Variants in RANBP17 observed in about 807,000 individuals in gnomAD.
The protein encoded by RANBP17 is RAN binding protein 17, also known as ran-binding protein 17.
Under a neutral mutation model 141.2 loss-of-function variants are expected in RANBP17, and 158 were observed. The observed-to-expected ratio is 1.12, with a 90% CI of 0.98 to 1.28. RANBP17 has a LOEUF of 1.28. Ranked by LOEUF, RANBP17 falls within the 50% of genes most tolerant of loss-of-function variation. RANBP17 has a pLI of 0.00. For missense variants in RANBP17, 1,438 were observed against 1,290.7 expected (o/e 1.11, Z -1.75); for synonymous variants, 430 against 450.0 (o/e 0.96, Z 0.56).
chr5:170,899,697 A>T (rs547341395), intron 5 of RANBP17, among the ~76,000 whole-genome samples: 1 of 152,180 alleles, frequency 6.6e-6, no homozygotes, highest in Non-Finnish European at 1.5e-5. Context: ...TGTTCCATCA[A>T]TACCTAGTAT....
At chr5:170,954,367 G>A (rs769172128) in intron 13 of RANBP17, among the ~76,000 whole-genome samples, 8 of 152,074 alleles carry the variant, frequency 5.3e-5, no homozygotes, top group Non-Finnish European at 1.0e-4. Context: ...TATGTTTACT[G>A]CATGTGTGTT....
chr5:171,089,465 C>T (rs1008653526), intron 14 of RANBP17, among the ~76,000 whole-genome samples: 5 of 152,032 alleles, frequency 3.3e-5, no homozygotes, highest in Non-Finnish European at 5.9e-5. Context: ...GGCAGGCCTC[C>T]TTGAGCTGTG....
chr5:171,253,051 C>T (rs895871399), intron 24 of RANBP17: 2 of 945,520 alleles, frequency 2.1e-6, no homozygotes, highest in Admixed American at 1.9e-5. Flanking sequence ...TGGAAAGGAT[C>T]AAGCACTGAT....
chr5:170,910,671 G>T lies in RANBP17; in HGVS notation c.595-298G>T, dbSNP rs58290481. ...ATATCTAAAAGGTATAATTGTTTTT[G>T]GTTTGTGTGAGAATGGGCATTATCT... On this transcript the variant is annotated intron_variant, in intron 6 of 27. Transcript: ENST00000523189. The T allele has an allele frequency of 9.9e-3, 2,598 of 263,586 alleles. 66 individuals are homozygous for T. The highest frequency in any genetic ancestry group is 0.055 in the African/African-American group (2,456 of 44,460). The allele number at this position is 263,586 out of a possible 1,614,324, so 16.3% of individuals were successfully genotyped here.
At chr5:171,018,029 G>GTT (rs370930800) in intron 14 of RANBP17, among the ~76,000 whole-genome samples, 26 of 151,712 alleles carry the variant, frequency 1.7e-4, no homozygotes, top group African/African-American at 6.3e-4. Context: ...CCCATTGCTT[G>GTT]TTTTTTTTCA....
Position 170,918,750 on chromosome 5 carries a change from G to C in RANBP17, c.992G>C (p.Arg331Pro). 1 of 1,606,252 alleles carries C rather than the reference G, an allele frequency of 6.2e-7. No individual in the cohort carries two copies. The highest frequency in any genetic ancestry group is 8.5e-7 in the Non-Finnish European group (1 of 1,176,166). ...SDPGNYHEFC[R>P]FLARLKTNYQ... Reference sequence around the variant, plus strand: ...CCAGGTAATTATCATGAATTTTGTCGATTTTTGGCTCGTTTAAAGACAAAT... The same window carrying C: ...CCAGGTAATTATCATGAATTTTGTCCATTTTTGGCTCGTTTAAAGACAAAT... The change falls in exon 10 of 28, where the codon CGA becomes CCA. Residue 331 changes from arginine to proline, a missense_variant. Arg to Pro is a moderately radical substitution (Grantham distance 103). Transcript: ENST00000523189.
chr5:170,920,446 T>C (rs1772346815), intron 11 of RANBP17, among the ~76,000 whole-genome samples: 1 of 152,176 alleles, frequency 6.6e-6, no homozygotes. Flanking sequence ...TTACCATCTG[T>C]ATGTATTCAT....
chr5:170,992,195 C>A (rs1264510577), intron 14 of RANBP17, among the ~76,000 whole-genome samples: 1 of 152,012 alleles, frequency 6.6e-6, no homozygotes, highest in African/African-American at 2.4e-5. Context: ...TCCATCCATT[C>A]CTCCTCTTTT....
intron 7 of RANBP17, among the ~76,000 whole-genome samples, chr5:170,913,350 GA>G (rs956604753): frequency 2.0e-5 from 3 of 151,954 alleles, no homozygotes; most frequent in Non-Finnish European, 4.4e-5. Context: ...AGGGGTGGGT[GA>G]ATGCAAATGA....
chr5:171,060,620 T>C (rs1262612126), intron 14 of RANBP17, among the ~76,000 whole-genome samples: 6 of 152,156 alleles, frequency 3.9e-5, no homozygotes, highest in African/African-American at 9.7e-5. Flanking sequence ...TGGTCTAAAA[T>C]TCTCTTTTTT....
intron 25 of RANBP17, among the ~76,000 whole-genome samples, chr5:171,289,309 G>C (rs1311756750): frequency 6.6e-6 from 1 of 152,084 alleles, no homozygotes; most frequent in African/African-American, 2.4e-5. Flanking sequence ...CTTTGATAAG[G>C]TCCAGCCATC....
At chr5:171,166,671 C>T (rs1277504486) in intron 14 of RANBP17, among the ~76,000 whole-genome samples, 1 of 152,116 alleles carries the variant, frequency 6.6e-6, no homozygotes, top group Admixed American at 6.5e-5. Context: ...TTACTTCTCA[C>T]TCCCAAATTA....
chr5:171,207,679 C>T (rs1454414889), intron 20 of RANBP17: 3 of 152,102 alleles, frequency 2.0e-5, no homozygotes, highest in Admixed American at 2.0e-4. Context: ...AATTGAGTTT[C>T]AGTAGCAAAT....
Position 171,265,993 on chromosome 5 carries a change from C to G in RANBP17, c.2943+146C>G, listed in dbSNP as rs575675303. ...ATATATATTGTCTGGGAGTATTTTC[C>G]CTGAACGTGGAGGGAAAACACAGGC... On this transcript the variant is annotated intron_variant, in intron 25 of 27. Coordinates refer to ENST00000523189, the MANE Select transcript of RANBP17 (RefSeq NM_022897.5). The G allele has an allele frequency of 4.5e-5, 29 of 650,052 alleles. No homozygotes were observed. In the South Asian group the frequency reaches 7.8e-4, roughly 17 times the overall value. 40.3% of individuals were successfully genotyped at this position (650,052 alleles called of 1,614,324 possible).
At position 171,296,135 on chromosome 5, in the gene RANBP17, TC is replaced by T. The variant is rs542317345; in HGVS notation, c.3170+123del. The T allele has an allele frequency of 4.2e-4, 408 of 979,732 alleles. 3 individuals carry two copies. The African/African-American group carries it at 5.6e-3, about 13-fold the overall frequency. The allele number at this position is 979,732 out of a possible 1,614,324, so 60.7% of individuals were successfully genotyped here. ...GTCCCTTTTCTGTTACACCTTGTGATCCTAGACTCAGTTCCATTCCATTCAG... is the reference window on the plus strand; with the variant it reads ...GTCCCTTTTCTGTTACACCTTGTGATCTAGACTCAGTTCCATTCCATTCAG... On this transcript the variant is annotated intron_variant, in intron 27 of 27. Transcript: ENST00000523189.
intron 20 of RANBP17, among the ~76,000 whole-genome samples, chr5:171,208,632 T>C (rs886781247): frequency 6.6e-6 from 1 of 152,218 alleles, no homozygotes; most frequent in African/African-American, 2.4e-5. Flanking sequence ...AGTGCTGTTA[T>C]ACAGTGGCAA....
At chr5:170,935,001 A>G (rs7715072) in intron 12 of RANBP17, among the ~76,000 whole-genome samples, 104,723 of 152,036 alleles carry the variant, frequency 0.69, 36,223 homozygotes, top group South Asian at 0.9. Context: ...ACTTTTGTTC[A>G]TTTCTTTTTA....
intron 14 of RANBP17, among the ~76,000 whole-genome samples, chr5:171,141,837 G>A (rs1757724511): frequency 6.6e-6 from 1 of 151,950 alleles, no homozygotes; most frequent in Admixed American, 6.6e-5. Flanking sequence ...AAACATTATG[G>A]TTGATGACCT....
In RANBP17 at chr5:171,083,654, T is replaced by C. The variant is rs1263840441; in HGVS notation, c.1711-86476T>C. ...CCTATATATGTGGAGGGCCAGCTGA[T>C]ATGGTGTGGCTGTGTCCCCATCCAA... On this transcript the variant is annotated intron_variant, in intron 14 of 27. Transcript: ENST00000523189. Among the ~76,000 whole-genome samples the C allele has an allele frequency of 2.6e-5, 4 of 152,324 alleles. No individual in the cohort carries two copies. The East Asian group carries it at 5.8e-4, about 22-fold the overall frequency.
Sources: allele counts gnomAD v4.1 joint callset (sites outside exome capture counted in the v4.1 genomes callset), GRCh38; gene constraint gnomAD v4.1.1; transcripts MANE v1.5; gene names NCBI Gene and HGNC (gene_info 2026-07-23, HGNC 2026-07-21).